Variants in TTLL12 observed in about 807,000 individuals in gnomAD.
TTLL12 encodes tubulin--tyrosine ligase-like protein 12.
TTLL12 carries 77 observed loss-of-function variants against 79.6 expected under a neutral mutation model. That is an observed-to-expected ratio of 0.97 (90% CI 0.81 to 1.17). The LOEUF (loss-of-function observed/expected upper bound fraction) is 1.17, where lower values mean the gene tolerates loss of function less well. Ranked by LOEUF, TTLL12 falls within the 50% of genes most tolerant of loss-of-function variation. TTLL12 has a pLI of 0.00. For missense variants in TTLL12, 969 were observed against 895.9 expected, an observed-to-expected ratio of 1.08 and a Z score of -1.04; for synonymous variants, 437 against 376.1, an observed-to-expected ratio of 1.16 and a Z score of -1.87.
At position 43,174,540 on chromosome 22, in the gene TTLL12, G is replaced by A. The variant is rs34603248; in HGVS notation, c.993C>T (p.Asp331=). 6.7e-3 allele frequency: 10,868 copies of A among 1,613,422 alleles called. 657 individuals carry two copies. In the African/African-American group the frequency reaches 0.13, roughly 19 times the overall value. ...GTGAGAAGTTGAAGAGGATGTCGGC[G>A]TCCGCCTCACTCTGGGTGAGGGTGA... ...PRFTLTQSEA[D]ADILFNFSHF... Residue 331 remains aspartate (D), a synonymous_variant, in exon 7 of 14, where the codon GAC becomes GAT. Transcript: ENST00000216129.
Position 43,174,400 on chromosome 22 carries a change from T to C in TTLL12, c.1038A>G (p.Lys346=), listed in dbSNP as rs1243106919. ...FNFSHFKDYR[K]LSQERPGVLL... ...GCACGCCTGGCCTCTCCTGGCTGAG[T>C]TTCCTGCAGGGCGGAGGCAGGTGCG... Residue 346 remains lysine (K), a synonymous_variant, in exon 8 of 14, where the codon AAA becomes AAG. Coordinates refer to ENST00000216129, the MANE Select transcript of TTLL12 (RefSeq NM_015140.4). The C allele has an allele frequency of 2.6e-6, 4 of 1,560,460 alleles. No individual in the cohort carries two copies. The highest frequency in any genetic ancestry group is 2.4e-5 in the South Asian group (2 of 84,284).
chr22:43,172,700 T>C (rs1205625380), intron 9 of TTLL12, 146 bp from the exon 10 acceptor site: 8 of 818,774 alleles, frequency 9.8e-6, no homozygotes, highest in Non-Finnish European at 1.3e-5. Flanking sequence ...TGCTGCAAAG[T>C]CTTTTTTTTT....
At chr22:43,181,358 G>A (rs957675642) in intron 2 of TTLL12, among the ~76,000 whole-genome samples, 1 of 152,172 alleles carries the variant, frequency 6.6e-6, no homozygotes, top group African/African-American at 2.4e-5. Context: ...TGCCCATCTT[G>A]TGGCCTGCAG....
intron 1 of TTLL12, among the ~76,000 whole-genome samples, chr22:43,185,138 G>C (rs1372797098): frequency 6.6e-6 from 1 of 151,544 alleles, no homozygotes; most frequent in Admixed American, 6.6e-5. Context: ...TGAGGCAGGA[G>C]AATCATTTGA....
intron 12 of TTLL12, among the ~76,000 whole-genome samples, 166 bp downstream of exon 12, chr22:43,169,334 A>C (rs1206829577): frequency 6.6e-6 from 1 of 152,124 alleles, no homozygotes; most frequent in African/African-American, 2.4e-5. Context: ...GGTGGAAGGG[A>C]GGGGAGCCCA....
intron 11 of TTLL12, 101 bp from the exon 12 acceptor site, chr22:43,169,669 G>T: frequency 7.7e-7 from 1 of 1,294,804 alleles, no homozygotes. Context: ...GACACTGGGT[G>T]GGGGTTCCAG....
chr22:43,172,640 G>T, intron 9 of TTLL12, 86 bp from the exon 10 acceptor site: 1 of 1,477,166 alleles, frequency 6.8e-7, no homozygotes, highest in Non-Finnish European at 9.4e-7. Flanking sequence ...AGGGGGCACA[G>T]ACATGGCTGC....
rs1569482730 is a variant in TTLL12, at chr22:43,167,855, G to A, written c.*153C>T. On this transcript the variant is annotated 3_prime_UTR_variant, in exon 14 of 14. Transcript: ENST00000216129. ...GAGGATGCTGTGCTCCCGGAGTGTG[G>A]CGCCGGGAGGATGGCTCGGCAGGAC... is the stretch of plus-strand genomic sequence containing the variant. The A allele has an allele frequency of 3.3e-6, 3 of 919,160 alleles. No homozygotes were observed. The highest frequency in any genetic ancestry group is 2.5e-5 in the Admixed American group (1 of 40,120). 56.9% of individuals were successfully genotyped at this position (919,160 alleles called of 1,614,324 possible).
intron 11 of TTLL12, among the ~76,000 whole-genome samples, chr22:43,170,962 T>C (rs1190110922): frequency 6.6e-6 from 1 of 152,092 alleles, no homozygotes; most frequent in African/African-American, 2.4e-5. Context: ...AAACAGCAGC[T>C]TGAATGGTCA....
At position 43,167,399 on chromosome 22, in the gene TTLL12, T is replaced by C. The variant is rs878894605; in HGVS notation, c.*609A>G. ...CAGCAGGAGGTTTGCTGGTGAAGGT[T>C]CTGGGTGAGCTGGAATGGGTGATAA... On this transcript the variant is annotated 3_prime_UTR_variant, in exon 14 of 14. Coordinates refer to ENST00000216129, the MANE Select transcript of TTLL12 (RefSeq NM_015140.4). 3.3e-6 allele frequency: 1 copy of C among 307,050 alleles called. No homozygotes were observed. The highest frequency in any genetic ancestry group is 6.5e-6 in the Non-Finnish European group (1 of 153,774). 19.0% of individuals were successfully genotyped at this position (307,050 alleles called of 1,614,324 possible). A position where few individuals can be genotyped will look rare whatever the true frequency, so the allele number is the denominator to read the frequency against.
chr22:43,169,301 C>T (rs1931701504), intron 12 of TTLL12, among the ~76,000 whole-genome samples, 199 bp downstream of exon 12: 1 of 152,210 alleles, frequency 6.6e-6, no homozygotes, highest in Non-Finnish European at 1.5e-5. Context: ...CCCTCCCTCT[C>T]AGGAGCACCC....
At chr22:43,185,998 G>A (rs1374934379) in intron 1 of TTLL12, 7 of 985,360 alleles carry the variant, frequency 7.1e-6, no homozygotes, top group Non-Finnish European at 8.4e-6. Context: ...AGTCCAATCA[G>A]GATTACACAG....
chr22:43,183,597 C>T lies in TTLL12; in HGVS notation c.178-448G>A, dbSNP rs528129746. Among the ~76,000 whole-genome samples the T allele has an allele frequency of 5.3e-5, 8 of 152,376 alleles. No homozygotes were observed. The East Asian group carries it at 9.6e-4, about 18-fold the overall frequency. On this transcript the variant is annotated intron_variant, in intron 1 of 13. Coordinates refer to ENST00000216129, the MANE Select transcript of TTLL12 (RefSeq NM_015140.4). ...CCCAATGCCCCCCTCACCAGAAGAA[C>T]CCCTCAACACTAGGACAGCTGAGTC...
At position 43,180,810 on chromosome 22, in the gene TTLL12, T is replaced by C. The variant is rs199782496; in HGVS notation, c.478A>G (p.Thr160Ala). The change falls in exon 3 of 14, where the codon ACA becomes GCA. Residue 160 changes from threonine to alanine, a missense_variant. Thr to Ala is a moderately conservative substitution (Grantham distance 58, BLOSUM62 0). Coordinates refer to ENST00000216129, the MANE Select transcript of TTLL12 (RefSeq NM_015140.4). ...GIEFHGELPS[T>A]EAVALVLEEM... Reference sequence around the variant, plus strand: ...TCCAGCACCAGGGCCACAGCCTCTGTACTGGGCAGCTCACCGTGGAACTCA... The same window carrying C: ...TCCAGCACCAGGGCCACAGCCTCTGCACTGGGCAGCTCACCGTGGAACTCA... The C allele has an allele frequency of 7.2e-5, 116 of 1,613,084 alleles. No individual in the cohort carries two copies. The highest frequency in any genetic ancestry group is 9.5e-5 in the Non-Finnish European group (112 of 1,179,992).
intron 1 of TTLL12, 70 bp downstream of exon 1, chr22:43,186,823 G>T: frequency 8.2e-7 from 1 of 1,223,302 alleles, no homozygotes; most frequent in Non-Finnish European, 1.0e-6. Context: ...GCTCTTCCCT[G>T]TCCCGCGCCG....
chr22:43,174,652 C>A, intron 6 of TTLL12, 37 bp from the exon 7 acceptor site: 1 of 1,481,936 alleles, frequency 6.7e-7, no homozygotes, highest in Non-Finnish European at 9.3e-7. Context: ...TCCCGGCTCC[C>A]AAGTGTCCAA....
At chr22:43,182,052 G>A (rs1342945837) in intron 2 of TTLL12, among the ~76,000 whole-genome samples, 1 of 130,012 alleles carries the variant, frequency 7.7e-6, no homozygotes, top group African/African-American at 2.7e-5. Flanking sequence ...AGCAGGTGGG[G>A]CTGAAACAAA....
At chr22:43,170,901 G>C (rs763224196) in intron 11 of TTLL12, among the ~76,000 whole-genome samples, 2 of 152,208 alleles carry the variant, frequency 1.3e-5, no homozygotes, top group Admixed American at 6.5e-5. Flanking sequence ...GTGACAGCGT[G>C]AGACATTGTC....
chr22:43,172,288 T>TGGA (rs1931785634), intron 10 of TTLL12, 115 bp downstream of exon 10: 1 of 1,321,044 alleles, frequency 7.6e-7, no homozygotes, highest in African/African-American at 1.5e-5. Context: ...GGGTGAGTGA[T>TGGA]GGAGGGTGCC....
Sources: allele counts gnomAD v4.1 joint callset (sites outside exome capture counted in the v4.1 genomes callset), GRCh38; gene constraint gnomAD v4.1.1; transcripts MANE v1.5; gene names NCBI Gene and HGNC (gene_info 2026-07-23, HGNC 2026-07-21).